FAM53B: variants seen among roughly 807,000 people sequenced by gnomAD.
FAM53B encodes the protein family with sequence similarity 53 member B.
A neutral mutation model predicts 32.7 loss-of-function variants in FAM53B; 12 were observed. That is an observed-to-expected ratio of 0.37 (90% CI 0.24 to 0.59). The LOEUF (loss-of-function observed/expected upper bound fraction) is 0.59. FAM53B is among the 20% of genes least tolerant of loss of function. FAM53B has a pLI of 0.72. For missense variants in FAM53B, 477 were observed against 577.7 expected (o/e 0.83, Z 1.79); for synonymous variants, 234 against 228.7 (o/e 1.02, Z -0.21).
intron 4 of FAM53B, among the ~76,000 whole-genome samples, chr10:124,675,879 G>A (rs1319984431): frequency 6.6e-6 from 1 of 152,244 alleles, no homozygotes; most frequent in African/African-American, 2.4e-5. Flanking sequence ...ATCCTCAAGT[G>A]AGGGGATTAG....
rs202220001 is a variant in FAM53B, at chr10:124,623,217, C to A, written c.*25G>T. On this transcript the variant is annotated 3_prime_UTR_variant, in exon 5 of 5. Coordinates refer to ENST00000337318, the MANE Select transcript of FAM53B (RefSeq NM_014661.4). ...GGGGGCTGTCGATGCCAGCACACCC[C>A]AGCCCTGCCTGGGCCCACACCCCCT... is the stretch of plus-strand genomic sequence containing the variant. The A allele has an allele frequency of 2.0e-4, 308 of 1,561,902 alleles. No homozygotes were observed. The highest frequency in any genetic ancestry group is 3.5e-4 in the Middle Eastern group (2 of 5,786).
chr10:124,646,647 C>T (rs774848448), intron 4 of FAM53B, among the ~76,000 whole-genome samples: 1 of 152,230 alleles, frequency 6.6e-6, no homozygotes, highest in African/African-American at 2.4e-5. Context: ...CCCTGTGACG[C>T]TCTTTTGCCC....
rs1949293951 is a variant in FAM53B, at chr10:124,619,761, G to A, written c.*3481C>T. On this transcript the variant is annotated 3_prime_UTR_variant, in exon 5 of 5. Transcript: ENST00000337318. ...AGGTGTGGCATCATTGCCAGTGTGGGGCCAGAGGGTGCCCGAGCCCCGGTG... is the reference window on the plus strand; with the variant it reads ...AGGTGTGGCATCATTGCCAGTGTGGAGCCAGAGGGTGCCCGAGCCCCGGTG... 1 of 152,692 alleles carries A rather than the reference G, an allele frequency of 6.5e-6. No individual in the cohort carries two copies. The highest frequency in any genetic ancestry group is 2.4e-5 in the African/African-American group (1 of 41,460). The allele number at this position is 152,692 out of a possible 1,614,324, so 9.5% of individuals were successfully genotyped here. A position where few individuals can be genotyped will look rare whatever the true frequency, so the allele number is the denominator to read the frequency against.
chr10:124,623,165 T>C lies in FAM53B; in HGVS notation c.*77A>G. On this transcript the variant is annotated 3_prime_UTR_variant, in exon 5 of 5. Transcript: ENST00000337318. The stretch of plus-strand genomic sequence containing the variant: ...ATCAGGCCCACGAGTTGGGCTCCCC[T>C]TCAAGGGCCCACCTAGTGCCCAGAG... 6.7e-7 allele frequency: 1 copy of C among 1,494,320 alleles called. No homozygotes were observed. The highest frequency in any genetic ancestry group is 8.9e-7 in the Non-Finnish European group (1 of 1,119,508). The allele number at this position is 1,494,320 out of a possible 1,614,324, so 92.6% of individuals were successfully genotyped here. A position where few individuals can be genotyped will look rare whatever the true frequency, so the allele number is the denominator to read the frequency against.
rs185558549 is a variant in FAM53B, at chr10:124,691,338, C to T, written c.133+4820G>A. Among the ~76,000 whole-genome samples, 16 of 152,310 alleles carry T rather than the reference C, an allele frequency of 1.1e-4. No individual in the cohort carries two copies. The East Asian group carries it at 2.5e-3, about 24-fold the overall frequency. ...CTGAACTGGGGCGGCACAAGGAGGG[C>T]TGCTATAATATTTTTACAATTCCTT... On this transcript the variant is annotated intron_variant, in intron 3 of 4. Transcript: ENST00000337318.
chr10:124,727,251 C>G (rs1280730971), intron 1 of FAM53B, among the ~76,000 whole-genome samples: 1 of 148,688 alleles, frequency 6.7e-6, no homozygotes, highest in Non-Finnish European at 1.5e-5. Flanking sequence ...CTCCTGGGCT[C>G]AAGCGATCTG....
rs546589171 is a variant in FAM53B at position 124,620,206 on chromosome 10, G to A, written c.*3036C>T. The A allele has an allele frequency of 3.3e-5, 5 of 152,750 alleles. No homozygotes were observed. The highest frequency in any genetic ancestry group is 2.1e-4 in the South Asian group (1 of 4,828). The allele number at this position is 152,750 out of a possible 1,614,324, so 9.5% of individuals were successfully genotyped here. A position where few individuals can be genotyped will look rare whatever the true frequency, so the allele number is the denominator to read the frequency against. On this transcript the variant is annotated 3_prime_UTR_variant, in exon 5 of 5. Transcript: ENST00000337318. ...CACGGGCCCAGGTGCACGTCTGCCC[G>A]TGCAAATCCGGCCTCCACCGCGAGT...
intron 3 of FAM53B, among the ~76,000 whole-genome samples, chr10:124,683,250 G>C (rs1949783835): frequency 6.6e-6 from 1 of 152,122 alleles, no homozygotes; most frequent in South Asian, 2.1e-4. Context: ...TTCTACTATG[G>C]AATCAGGCAC....
chr10:124,676,316 C>T (rs1215333545), intron 4 of FAM53B, among the ~76,000 whole-genome samples: 1 of 152,236 alleles, frequency 6.6e-6, no homozygotes, highest in Non-Finnish European at 1.5e-5. Context: ...CTCTGAATTC[C>T]TCTACTTGCC....
intron 4 of FAM53B, among the ~76,000 whole-genome samples, chr10:124,678,968 A>C (rs1949752830): frequency 6.6e-6 from 1 of 152,164 alleles, no homozygotes; most frequent in Admixed American, 6.5e-5. Flanking sequence ...AGCTGCTCCA[A>C]AGGTCTAACT....
intron 1 of FAM53B, among the ~76,000 whole-genome samples, chr10:124,717,080 A>C (rs752561671): frequency 3.3e-4 from 50 of 152,332 alleles, no homozygotes; most frequent in Non-Finnish European, 5.3e-4. Context: ...CCCAAACAAA[A>C]GGCTGTGTGG....
intron 1 of FAM53B, chr10:124,742,566 G>C (rs546600312): frequency 6.6e-6 from 1 of 152,216 alleles, no homozygotes; most frequent in Non-Finnish European, 1.5e-5. Flanking sequence ...CATGTCATTT[G>C]GAAGTCTGCT....
chr10:124,716,208 T>C (rs554605206), intron 1 of FAM53B, among the ~76,000 whole-genome samples: 83 of 152,270 alleles, frequency 5.5e-4, no homozygotes, highest in African/African-American at 1.9e-3. Flanking sequence ...TATTCCCTGA[T>C]CTAGTCCTTC....
rs576102013 is a variant in FAM53B, at chr10:124,668,876, G to A, written c.906+12731C>T. Among the ~76,000 whole-genome samples, 36 of 152,348 alleles carry A rather than the reference G, an allele frequency of 2.4e-4. No individual in the cohort carries two copies. In the South Asian group the frequency reaches 2.7e-3, roughly 11 times the overall value. ...GGCACTGATAGGCCTTTTCCTTCTG[G>A]GACACAGAATGCCAGGTTTTCCTGC... On this transcript the variant is annotated intron_variant, in intron 4 of 4. Transcript: ENST00000337318.
chr10:124,723,899 T>C (rs1950086015), intron 1 of FAM53B, among the ~76,000 whole-genome samples: 1 of 152,234 alleles, frequency 6.6e-6, no homozygotes, highest in Non-Finnish European at 1.5e-5. Context: ...GTGACTGTAG[T>C]TGAACCGGCA....
At chr10:124,680,641 T>G (rs1949763888) in intron 4 of FAM53B, among the ~76,000 whole-genome samples, 1 of 152,076 alleles carries the variant, frequency 6.6e-6, no homozygotes, top group South Asian at 2.1e-4. Flanking sequence ...GGCCATCCCC[T>G]CCAACCAACC....
intron 4 of FAM53B, among the ~76,000 whole-genome samples, chr10:124,632,724 G>T (rs896716644): frequency 2.0e-5 from 3 of 152,214 alleles, no homozygotes; most frequent in Admixed American, 6.5e-5. Context: ...TCACCAACTG[G>T]TTTAGCCACT....
intron 1 of FAM53B, among the ~76,000 whole-genome samples, chr10:124,743,506 C>T (rs1029325354): frequency 2.6e-5 from 4 of 152,296 alleles, no homozygotes; most frequent in African/African-American, 7.2e-5. Flanking sequence ...CCGCCTCGCT[C>T]CCGCACCCCG....
intron 3 of FAM53B, among the ~76,000 whole-genome samples, chr10:124,683,064 A>G (rs927808634): frequency 7.9e-5 from 12 of 152,254 alleles, no homozygotes; most frequent in African/African-American, 2.7e-4. Flanking sequence ...TTTCACTTAA[A>G]GCAATTAAAA....
Sources: gnomAD v4.1 joint callset for allele counts (sites outside exome capture counted in the v4.1 genomes callset) on GRCh38, gnomAD v4.1.1 for gene constraint, MANE v1.5 for transcripts, NCBI Gene and HGNC (gene_info 2026-07-23, HGNC 2026-07-21) for gene names.